Variants in NAALADL2 observed in about 807,000 individuals in gnomAD.
The protein encoded by NAALADL2 is inactive N-acetylated-alpha-linked acidic dipeptidase-like protein 2.
In NAALADL2, 76 loss-of-function variants were observed where a neutral mutation model predicts 87.2. The ratio of observed to expected loss-of-function variants is 0.87; its 90% confidence interval spans 0.72 to 1.05. The LOEUF (loss-of-function observed/expected upper bound fraction) is 1.05, where lower values mean the gene tolerates loss of function less well. NAALADL2 is among the 50% of genes least tolerant of loss of function. The probability of loss-of-function intolerance (pLI) is 0.00; values close to 1 mark genes in which losing one functional copy is unlikely to be tolerated. For synonymous variants in NAALADL2, 354 were observed against 331.0 expected (o/e 1.07, Z -0.75); for missense variants, 1,089 against 945.8 (o/e 1.15, Z -1.99).
At chr3:174,864,693 A>G (rs1726929183) in intron 1 of NAALADL2, among the ~76,000 whole-genome samples, 1 of 152,076 alleles carries the variant, frequency 6.6e-6, no homozygotes, top group South Asian at 2.1e-4. Context: ...AATAATCTTA[A>G]GATTATAAGT....
In NAALADL2 at chr3:174,883,872, C is replaced by T. The variant is rs556922561; in HGVS notation, c.43+24422C>T. On this transcript the variant is annotated intron_variant, in intron 1 of 13. Coordinates refer to ENST00000454872, the MANE Select transcript of NAALADL2 (RefSeq NM_207015.3). ...TTTCCCATTGACCTTAAACATAGGG[C>T]ATGGTAATACTAAGAGACCCCCTAA... Among the ~76,000 whole-genome samples the T allele has an allele frequency of 2.0e-5, 3 of 152,252 alleles. No homozygotes were observed. The South Asian group carries it at 6.2e-4, about 32-fold the overall frequency.
intron 2 of NAALADL2, among the ~76,000 whole-genome samples, chr3:174,620,069 A>T (rs1235730307): frequency 2.0e-5 from 3 of 151,950 alleles, no homozygotes; most frequent in Non-Finnish European, 4.4e-5. Context: ...ACTTTATATT[A>T]CAAAGTACCC....
chr3:174,480,656 T>G (rs940207555), intron 1 of NAALADL2, among the ~76,000 whole-genome samples: 7 of 152,240 alleles, frequency 4.6e-5, no homozygotes, highest in African/African-American at 1.7e-4. Context: ...CTTAATATGT[T>G]ATTCCTTACT....
intron 2 of NAALADL2, among the ~76,000 whole-genome samples, chr3:175,115,430 A>G (rs1033009410): frequency 4.6e-5 from 7 of 151,612 alleles, no homozygotes; most frequent in African/African-American, 1.7e-4. Flanking sequence ...AATTTCTTTT[A>G]ATAAAAGACA....
chr3:175,052,050 T>C (rs983808516), intron 1 of NAALADL2, among the ~76,000 whole-genome samples: 1 of 152,224 alleles, frequency 6.6e-6, no homozygotes. Flanking sequence ...GATTTACCTA[T>C]GTCTTTATTA....
chr3:174,610,543 C>T (rs1719715578), intron 2 of NAALADL2, among the ~76,000 whole-genome samples: 1 of 152,174 alleles, frequency 6.6e-6, no homozygotes, highest in Non-Finnish European at 1.5e-5. Flanking sequence ...GACATTTATG[C>T]AGCCAAAAAA....
intron 3 of NAALADL2, among the ~76,000 whole-genome samples, chr3:174,830,570 G>T (rs1282604910): frequency 6.6e-6 from 1 of 151,496 alleles, no homozygotes; most frequent in Non-Finnish European, 1.5e-5. Context: ...TTGTTCTTTT[G>T]GCTTAGGATT....
intron 2 of NAALADL2, among the ~76,000 whole-genome samples, chr3:174,625,814 T>C (rs1233171390): frequency 6.6e-6 from 1 of 152,012 alleles, no homozygotes; most frequent in Non-Finnish European, 1.5e-5. Flanking sequence ...TATATATACA[T>C]TTAATTGCAA....
At chr3:175,529,371 C>T (rs977391900) in intron 9 of NAALADL2, among the ~76,000 whole-genome samples, 1 of 152,144 alleles carries the variant, frequency 6.6e-6, no homozygotes, top group African/African-American at 2.4e-5. Flanking sequence ...AGATCTCTAG[C>T]CCAGCAGAAC....
At chr3:175,643,986 C>T (rs376371175) in intron 11 of NAALADL2, among the ~76,000 whole-genome samples, 1 of 151,902 alleles carries the variant, frequency 6.6e-6, no homozygotes, top group East Asian at 1.9e-4. Context: ...TGATTTTTTC[C>T]AGTCTGATAT....
In NAALADL2 at chr3:174,660,171, ATG is replaced by A. The variant is rs1213927964; in HGVS notation, c.-114-77466_-114-77465del. Among the ~76,000 whole-genome samples the A allele has an allele frequency of 4.4e-4, 67 of 152,282 alleles. 2 individuals are homozygous for A. The highest frequency in any genetic ancestry group is 2.9e-3 in the South Asian group (14 of 4,828). On this transcript the variant is annotated intron_variant, in intron 2 of 3. Transcript: ENST00000434257. ...TAAATATATGTTTATAGTAGGAAAT[ATG>A]TGTTTATTCAAAAATATTAATAGAA... is the stretch of plus-strand genomic sequence containing the variant.
At chr3:174,870,959 A>C (rs1047704466) in intron 1 of NAALADL2, among the ~76,000 whole-genome samples, 1 of 152,048 alleles carries the variant, frequency 6.6e-6, no homozygotes, top group Non-Finnish European at 1.5e-5. Flanking sequence ...TATCCTACCT[A>C]CCCTCACACT....
At chr3:174,468,390 T>TC (rs1430788289) in intron 1 of NAALADL2, among the ~76,000 whole-genome samples, 2 of 149,746 alleles carry the variant, frequency 1.3e-5, no homozygotes, top group Non-Finnish European at 3.0e-5. Context: ...TTTTCTTTTT[T>TC]TTTTTTTTTT....
intron 1 of NAALADL2, among the ~76,000 whole-genome samples, chr3:174,880,885 A>T (rs12489524): frequency 6.6e-6 from 1 of 152,034 alleles, no homozygotes; most frequent in Non-Finnish European, 1.5e-5. Context: ...GGAAGAATCT[A>T]TATCATGCCC....
In NAALADL2 at chr3:174,914,214, C is replaced by G. The variant is rs541323659; in HGVS notation, c.43+54764C>G. Among the ~76,000 whole-genome samples, 6 of 152,010 alleles carry G rather than the reference C, an allele frequency of 3.9e-5. No homozygotes were observed. In the South Asian group the frequency reaches 1.2e-3, roughly 32 times the overall value. On this transcript the variant is annotated intron_variant, in intron 1 of 13. Coordinates refer to ENST00000454872, the MANE Select transcript of NAALADL2 (RefSeq NM_207015.3). ...AGTAGTTGGGATTACAGGCACCCACCACCACATCAGGCTAATTTTTGTATT... is the reference window on the plus strand; with the variant it reads ...AGTAGTTGGGATTACAGGCACCCACGACCACATCAGGCTAATTTTTGTATT...
intron 10 of NAALADL2, among the ~76,000 whole-genome samples, chr3:175,592,048 G>T (rs865876305): frequency 6.6e-6 from 1 of 151,942 alleles, no homozygotes; most frequent in Non-Finnish European, 1.5e-5. Context: ...GGAGCTCAAA[G>T]TGACTGCACT....
At chr3:175,437,302 A>G (rs2046181555) in intron 5 of NAALADL2, among the ~76,000 whole-genome samples, 1 of 145,960 alleles carries the variant, frequency 6.9e-6, no homozygotes, top group South Asian at 2.3e-4. Flanking sequence ...CTTATACACC[A>G]ACAACAGACA....
At chr3:174,612,543 T>C (rs1196385747) in intron 2 of NAALADL2, among the ~76,000 whole-genome samples, 1 of 152,112 alleles carries the variant, frequency 6.6e-6, no homozygotes, top group Non-Finnish European at 1.5e-5. Flanking sequence ...TCACTAATTA[T>C]TTCTTCTGCT....
At chr3:174,694,813 T>C (rs1039184657) in intron 2 of NAALADL2, among the ~76,000 whole-genome samples, 2 of 151,770 alleles carry the variant, frequency 1.3e-5, no homozygotes, top group Non-Finnish European at 3.0e-5. Context: ...ACAAATAAAA[T>C]ATATTAAAAT....
Sources: allele counts gnomAD v4.1 joint callset (sites outside exome capture counted in the v4.1 genomes callset), GRCh38; gene constraint gnomAD v4.1.1; transcripts MANE v1.5; gene names NCBI Gene and HGNC (gene_info 2026-07-23, HGNC 2026-07-21).